The following AQR variants were observed in gnomAD, a reference collection of about 807,000 sequenced individuals.
AQR encodes the protein aquarius intron-binding spliceosomal factor.
AQR carries 61 observed loss-of-function variants against 180.5 expected under a neutral mutation model. The ratio of observed to expected loss-of-function variants is 0.34; its 90% CI spans 0.28 to 0.42. The LOEUF (loss-of-function observed/expected upper bound fraction) is 0.42, where lower values mean the gene tolerates loss of function less well. Among genes scored for constraint, AQR ranks in the 10% least tolerant of loss-of-function variants. AQR has a pLI of 1.00. For synonymous variants in AQR, 551 were observed against 588.8 expected (o/e 0.94, Z 0.93); for missense variants, 1,281 against 1,798.3 (o/e 0.71, Z 5.20).
intron 17 of AQR, 53 bp from the exon 18 acceptor site, chr15:34,906,765 T>C: frequency 1.3e-6 from 2 of 1,554,240 alleles, no homozygotes; most frequent in Non-Finnish European, 8.7e-7. Flanking sequence ...GTTTTCAGTC[T>C]TTTGTAGGCA....
At chr15:34,885,323 T>C (rs1893042788) in intron 25 of AQR, among the ~76,000 whole-genome samples, 1 of 152,208 alleles carries the variant, frequency 6.6e-6, no homozygotes, top group African/African-American at 2.4e-5. Flanking sequence ...AGCCAGTTAC[T>C]ATGTAACCTC....
intron 4 of AQR, among the ~76,000 whole-genome samples, chr15:34,949,141 T>C (rs138096072): frequency 0.021 from 3,173 of 151,726 alleles, 106 homozygotes; most frequent in African/African-American, 0.068. Flanking sequence ...TACAAGAATG[T>C]GCCACCACGC....
At chr15:34,909,558 G>A (rs923555379) in intron 17 of AQR, among the ~76,000 whole-genome samples, 6 of 152,070 alleles carry the variant, frequency 3.9e-5, no homozygotes, top group Admixed American at 6.6e-5. Context: ...TGCCTTAGGC[G>A]CAAATAAACT....
intron 20 of AQR, among the ~76,000 whole-genome samples, chr15:34,899,947 C>T (rs7167892): frequency 0.61 from 92,512 of 152,032 alleles, 30,512 homozygotes; most frequent in South Asian, 0.74. Flanking sequence ...GGCTGGAGTA[C>T]AGTGGCACAA....
chr15:34,948,470 T>G, intron 4 of AQR, 86 bp from the exon 5 acceptor site: 1 of 1,460,482 alleles, frequency 6.8e-7, no homozygotes, highest in Non-Finnish European at 9.1e-7. Context: ...CATAATTATT[T>G]ACAACTTTCT....
chr15:34,882,384 TATC>T (rs1309004130), intron 27 of AQR, 115 bp downstream of exon 27: 1 of 1,133,714 alleles, frequency 8.8e-7, no homozygotes, highest in African/African-American at 1.6e-5. Context: ...CAAGGGATAT[TATC>T]ATCCACTTAT....
In AQR at chr15:34,934,588, G is replaced by C. The variant is rs780236849; in HGVS notation, c.766C>G (p.Leu256Val). The C allele has an allele frequency of 5.0e-6, 8 of 1,593,518 alleles. No homozygotes were observed. The highest frequency in any genetic ancestry group is 6.8e-6 in the Non-Finnish European group (8 of 1,173,298). ...KVHYCERFIE[L>V]MIDLEALLPT... ...TTTCTTACCTCTAGATCAATCATAAGTTCAATGAATCTTTCACAGTAATGA... is the reference window on the plus strand; with the variant it reads ...TTTCTTACCTCTAGATCAATCATAACTTCAATGAATCTTTCACAGTAATGA... Residue 256 changes from leucine (L) to valine (V), a missense_variant, in exon 10 of 35, where the codon CTT (leucine) becomes GTT (valine). Around this residue, in one of 9 missense-constraint regions of AQR, gnomAD observed 404 missense variants for 490.9 expected, o/e 0.82. Transcript: ENST00000156471.
At chr15:34,876,802 T>C (rs1353214844) in intron 27 of AQR, among the ~76,000 whole-genome samples, 1 of 152,218 alleles carries the variant, frequency 6.6e-6, no homozygotes, top group Non-Finnish European at 1.5e-5. Context: ...TCAACCACAA[T>C]GACCCATTTC....
At position 34,920,452 on chromosome 15, in the gene AQR, A is replaced by G. The variant is rs1316430068; in HGVS notation, c.1119-18T>C. 3.8e-6 allele frequency: 6 copies of G among 1,558,934 alleles called. No individual in the cohort carries two copies. The Admixed American group carries it at 9.0e-5, about 23-fold the overall frequency. ...TGTTTGAACTGCAGAATAGAGAACA[A>G]TATTTTATTCATAGTAACTTACTTC... On this transcript the variant is annotated intron_variant, in intron 13 of 34. Coordinates refer to ENST00000156471, the MANE Select transcript of AQR (RefSeq NM_014691.3).
Position 34,934,654 on chromosome 15 carries a change from G to A in AQR, c.719-19C>T, listed in dbSNP as rs754044805. 32 of 1,511,218 alleles carry A rather than the reference G, an allele frequency of 2.1e-5. No homozygotes were observed. The highest frequency in any genetic ancestry group is 1.7e-4 in the African/African-American group (12 of 70,450). 93.6% of individuals were successfully genotyped at this position (1,511,218 alleles called of 1,614,324 possible). ...ACAGGTTCTAGACATAAGAGAGAAC[G>A]CATGATAGAATTTCCTTACTAGGCC... On this transcript the variant is annotated intron_variant, in intron 9 of 34. Coordinates refer to ENST00000156471, the MANE Select transcript of AQR (RefSeq NM_014691.3).
intron 7 of AQR, among the ~76,000 whole-genome samples, chr15:34,941,230 A>G (rs1213686258): frequency 6.6e-6 from 1 of 152,212 alleles, no homozygotes; most frequent in Admixed American, 6.5e-5. Flanking sequence ...TTGTAAGCTC[A>G]ATAATCAATT....
Position 34,904,429 on chromosome 15 carries a change from T to G in AQR, c.1908A>C (p.Gln636His), listed in dbSNP as rs747549614. ...CATTTTGTATAGTATTGGTCATATC[T>G]TGTTGATACTGGTTTGGATCCAAAA... ...RVFLDPNQYQ[Q>H]DMTNTIQNGA... The change falls in exon 19 of 35, where the codon CAA becomes CAC. Residue 636 changes from glutamine to histidine, a missense_variant. Around this residue, in one of 9 missense-constraint regions of AQR, gnomAD observed 200 missense variants for 293.4 expected, o/e 0.68. Transcript: ENST00000156471. 6.2e-7 allele frequency: 1 copy of G among 1,612,320 alleles called. No homozygotes were observed. The highest frequency in any genetic ancestry group is 1.1e-5 in the South Asian group (1 of 90,832).
rs185145037 is a variant in AQR at position 34,945,165 on chromosome 15, T to C, written c.331-737A>G. On this transcript the variant is annotated intron_variant, in intron 5 of 34. Coordinates refer to ENST00000156471, the MANE Select transcript of AQR (RefSeq NM_014691.3). ...CACTAAATACCAATGATTCCAAATATACATCTGCAGTCCAGATTTCTCTTC... is the reference window on the plus strand; with the variant it reads ...CACTAAATACCAATGATTCCAAATACACATCTGCAGTCCAGATTTCTCTTC... Among the ~76,000 whole-genome samples the C allele has an allele frequency of 2.8e-3, 421 of 152,360 alleles. 1 individual carries two copies. The highest frequency in any genetic ancestry group is 9.6e-3 in the African/African-American group (399 of 41,590).
chr15:34,948,526 G>C, intron 4 of AQR, 142 bp from the exon 5 acceptor site: 1 of 1,133,568 alleles, frequency 8.8e-7, no homozygotes. Flanking sequence ...ATCCTTGGCT[G>C]GGTGTGGTAG....
intron 6 of AQR, among the ~76,000 whole-genome samples, chr15:34,943,680 A>T (rs759721517): frequency 2.6e-5 from 4 of 152,162 alleles, no homozygotes. Flanking sequence ...ATTCAGAGGC[A>T]CTAAATAAAT....
intron 20 of AQR, among the ~76,000 whole-genome samples, chr15:34,899,910 A>G (rs2140476132): frequency 6.6e-6 from 1 of 152,220 alleles, no homozygotes. Flanking sequence ...TTATTTATTT[A>G]GAGATGAGGT....
chr15:34,954,944 G>A (rs1456546871), intron 3 of AQR, among the ~76,000 whole-genome samples: 1 of 152,020 alleles, frequency 6.6e-6, no homozygotes, highest in East Asian at 1.9e-4. Flanking sequence ...ACAACACGGT[G>A]GAATCCCGTC....
At chr15:34,868,793 A>G (rs1165027519) in intron 31 of AQR, 1 of 152,186 alleles carries the variant, frequency 6.6e-6, no homozygotes, top group Non-Finnish European at 1.5e-5. Flanking sequence ...TCTTTCAATC[A>G]GCATGTTTCT....
At chr15:34,922,240 G>A (rs985301425) in intron 13 of AQR, among the ~76,000 whole-genome samples, 8 of 152,082 alleles carry the variant, frequency 5.3e-5, no homozygotes, top group African/African-American at 1.4e-4. Flanking sequence ...TTCATGATAC[G>A]GCTGTATCAC....
Sources: gnomAD v4.1 joint callset for allele counts (sites outside exome capture counted in the v4.1 genomes callset) on GRCh38, gnomAD v4.1.1 for gene constraint, gnomAD v4.1.1 regional missense constraint, MANE v1.5 for transcripts, NCBI Gene and HGNC (gene_info 2026-07-23, HGNC 2026-07-21) for gene names.